The following ATIC variants were observed in gnomAD, a reference collection of about 807,000 sequenced individuals.
ATIC encodes 5-aminoimidazole-4-carboxamide ribonucleotide formyltransferase/IMP cyclohydrolase.
Under a neutral mutation model 72.5 loss-of-function variants are expected in ATIC, and 64 were observed. The observed-to-expected ratio is 0.88, with a 90% confidence interval of 0.72 to 1.09. The LOEUF is 1.09. ATIC is among the 50% of genes least tolerant of loss of function. The pLI is 0.00. For missense variants in ATIC, 787 were observed against 732.4 expected (o/e 1.07, Z -0.86); for synonymous variants, 281 against 267.1 (o/e 1.05, Z -0.51).
At chr2:215,314,835 A>G (rs185983485) in intron 2 of ATIC, among the ~76,000 whole-genome samples, 201 of 152,324 alleles carry the variant, frequency 1.3e-3, no homozygotes, top group Non-Finnish European at 2.1e-3. Context: ...TTTGCTCTCC[A>G]TCGTAAACGT....
the ATIC span, among the ~76,000 whole-genome samples, chr2:215,366,666 C>A: frequency 7.2e-5 from 11 of 152,242 alleles, no homozygotes; most frequent in Non-Finnish European, 1.6e-4. Context: ...ATTTTATCAA[C>A]AATTCAGCCT....
At chr2:215,325,153 A>C (rs1381317858) in intron 4 of ATIC, 88 bp from the exon 5 acceptor site, 81 of 923,820 alleles carry the variant, frequency 8.8e-5, no homozygotes, top group Non-Finnish European at 1.4e-4. Flanking sequence ...TGTTTACGTT[A>C]ATAGTACTGA....
chr2:215,368,544 A>G, the ATIC span, among the ~76,000 whole-genome samples: 1 of 152,254 alleles, frequency 6.6e-6, no homozygotes, highest in Non-Finnish European at 1.5e-5. Flanking sequence ...GACTTAGAAA[A>G]TGTTCACTAA....
At chr2:215,351,894 C>G (rs919341255), downstream of ATIC, among the ~76,000 whole-genome samples, 4 of 152,172 alleles carry the variant, frequency 2.6e-5, no homozygotes, top group African/African-American at 9.7e-5. Context: ...GGAAATACCT[C>G]AAAATAGGAG....
chr2:215,321,952 G>A (rs1418823159), intron 4 of ATIC, among the ~76,000 whole-genome samples: 1 of 152,132 alleles, frequency 6.6e-6, no homozygotes, highest in African/African-American at 2.4e-5. Context: ...CGCCCAGGCT[G>A]GAGCACAGTG....
chr2:215,344,390 T>A (rs1292028606), intron 12 of ATIC, among the ~76,000 whole-genome samples: 4 of 152,122 alleles, frequency 2.6e-5, no homozygotes, highest in Non-Finnish European at 5.9e-5. Context: ...TAAATAGAAC[T>A]AAGAAACTTA....
chr2:215,346,264 C>A (rs952311390), intron 13 of ATIC, among the ~76,000 whole-genome samples: 14 of 152,132 alleles, frequency 9.2e-5, no homozygotes, highest in African/African-American at 2.7e-4. Flanking sequence ...TGGCCTCAAG[C>A]GGTCCTACCA....
intron 4 of ATIC, among the ~76,000 whole-genome samples, chr2:215,323,232 A>C (rs570838100): frequency 6.6e-6 from 1 of 152,348 alleles, no homozygotes; most frequent in African/African-American, 2.4e-5. Flanking sequence ...GGCGTGAGCC[A>C]CTGCGCCCGG....
rs945575447 is a variant in ATIC at position 215,343,627 on chromosome 2, C to T, written c.1228-1152C>T. ...CTAGGATTACAGGCATGTGCCACTG[C>T]GCCTGTCCTGTTACAGAGTTTTTAA... On this transcript the variant is annotated intron_variant, in intron 12 of 15. Coordinates refer to ENST00000236959, the MANE Select transcript of ATIC (RefSeq NM_004044.7). Among the ~76,000 whole-genome samples the T allele has an allele frequency of 6.6e-5, 10 of 152,146 alleles. 1 individual carries two copies. Among genetic ancestry groups the T allele is most frequent in the African/African-American group, 2.2e-4 (9 of 41,418 alleles).
At chr2:215,367,661 G>A in the ATIC span, 3 of 623,182 alleles carry the variant, frequency 4.8e-6, no homozygotes, top group Admixed American at 7.3e-5. Context: ...TACAACCCTT[G>A]AAATGAAGCA....
intron 2 of ATIC, among the ~76,000 whole-genome samples, chr2:215,313,395 C>G (rs192182104): frequency 6.6e-6 from 1 of 152,192 alleles, no homozygotes; most frequent in African/African-American, 2.4e-5. Context: ...CATTAGCTGA[C>G]TAGGCCATGG....
chr2:215,314,497 A>AT (rs927518773), intron 2 of ATIC, among the ~76,000 whole-genome samples: 184 of 146,140 alleles, frequency 1.3e-3, no homozygotes, highest in Middle Eastern at 3.6e-3. Flanking sequence ...AGAGGCCAAG[A>AT]TTTTTTTTTT....
At chr2:215,352,977 T>C (rs1403009660), downstream of ATIC, among the ~76,000 whole-genome samples, 1 of 152,248 alleles carries the variant, frequency 6.6e-6, no homozygotes, top group Non-Finnish European at 1.5e-5. Flanking sequence ...TAAATTTTTT[T>C]AGTTTGATTT....
At chr2:215,330,614 T>C (rs56012093) in intron 7 of ATIC, among the ~76,000 whole-genome samples, 5,258 of 152,212 alleles carry the variant, frequency 0.035, 287 homozygotes, top group African/African-American at 0.12. Flanking sequence ...TCATGCAGAA[T>C]AGTTTCAATG....
At chr2:215,359,269 T>G in the ATIC span, among the ~76,000 whole-genome samples, 2 of 152,294 alleles carry the variant, frequency 1.3e-5, no homozygotes, top group South Asian at 2.1e-4. Flanking sequence ...CTAAAGCTGC[T>G]CTTTCCTTAT....
chr2:215,319,100 C>T lies in ATIC; in HGVS notation c.224-565C>T, dbSNP rs141145621. Among the ~76,000 whole-genome samples, 599 of 152,108 alleles carry T rather than the reference C, an allele frequency of 3.9e-3. 5 individuals carry two copies. The highest frequency in any genetic ancestry group is 0.013 in the African/African-American group (542 of 41,486). The stretch of plus-strand genomic sequence containing the variant: ...CTCACCTTGTTGCCCAGGCTGGTCT[C>T]GAACACCTGGGCTCAAGCGATCCCC... On this transcript the variant is annotated intron_variant, in intron 3 of 15. Transcript: ENST00000236959.
At chr2:215,313,115 G>T (rs1346301509) in intron 2 of ATIC, among the ~76,000 whole-genome samples, 2 of 152,124 alleles carry the variant, frequency 1.3e-5, no homozygotes, top group East Asian at 3.9e-4. Flanking sequence ...GACAGATTTA[G>T]CATCTTCTGC....
intron 7 of ATIC, 91 bp from the exon 8 acceptor site, chr2:215,332,291 T>G: frequency 6.5e-7 from 1 of 1,542,568 alleles, no homozygotes; most frequent in Non-Finnish European, 8.9e-7. Flanking sequence ...CTTAAAACAT[T>G]TGTTTAGTCA....
chr2:215,366,151 T>C, the ATIC span, among the ~76,000 whole-genome samples: 1 of 152,120 alleles, frequency 6.6e-6, no homozygotes, highest in Admixed American at 6.5e-5. Flanking sequence ...TTTTAAAATA[T>C]TATTTTTTAT....
Sources: allele counts gnomAD v4.1 joint callset (sites outside exome capture counted in the v4.1 genomes callset), GRCh38; gene constraint gnomAD v4.1.1; transcripts MANE v1.5; gene names NCBI Gene and HGNC (gene_info 2026-07-23, HGNC 2026-07-21).